Variants in SOHLH1 observed in about 807,000 individuals in gnomAD.
SOHLH1 encodes spermatogenesis and oogenesis specific basic helix-loop-helix 1.
In SOHLH1, 23 loss-of-function variants were observed where a neutral mutation model predicts 36.2. That is an observed-to-expected ratio of 0.64 (90% CI 0.46 to 0.90). The LOEUF is 0.90. SOHLH1 is among the 40% of genes least tolerant of loss of function. SOHLH1 has a pLI of 0.00. For missense variants in SOHLH1, 608 were observed against 517.0 expected (o/e 1.18, Z -1.71); for synonymous variants, 289 against 228.3 (o/e 1.27, Z -2.40).
chr9:135,698,587 G>T, intron 2 of SOHLH1, 111 bp from the exon 3 acceptor site: 1 of 1,485,494 alleles, frequency 6.7e-7, no homozygotes, highest in Non-Finnish European at 9.3e-7. Context: ...AGGCAGAGGG[G>T]GCTACAAGAT....
chr9:135,695,069 T>C lies in SOHLH1; in HGVS notation c.856A>G (p.Met286Val), dbSNP rs766293252. Residue 286 changes from methionine (M) to valine (V), a missense_variant, in exon 6 of 8, where the codon ATG becomes GTG. Met to Val is a conservative substitution (Grantham distance 21, BLOSUM62 1). Transcript: ENST00000425225. ...PLGEPAKEDP[M>V]LAQEAGSALG... Reference sequence around the variant, plus strand: ...ACTCACCCGGCCTCCTGCGCCAGCATGGGGTCCTCCTTGGCTGGCTCCCCC... The same window carrying C: ...ACTCACCCGGCCTCCTGCGCCAGCACGGGGTCCTCCTTGGCTGGCTCCCCC... The C allele has an allele frequency of 1.9e-6, 3 of 1,597,382 alleles. No individual in the cohort carries two copies. The highest frequency in any genetic ancestry group is 3.4e-5 in the Admixed American group (2 of 58,732).
chr9:135,697,100 G>A (rs991069027), intron 4 of SOHLH1, among the ~76,000 whole-genome samples: 5 of 152,236 alleles, frequency 3.3e-5, no homozygotes, highest in African/African-American at 4.8e-5. Flanking sequence ...ACAAGATGCA[G>A]ACAGTCCTTC....
upstream of SOHLH1, among the ~76,000 whole-genome samples, chr9:135,701,017 T>C (rs1835014981): frequency 6.6e-6 from 1 of 152,242 alleles, no homozygotes; most frequent in African/African-American, 2.4e-5. Context: ...CTCAGTTTTT[T>C]CTGAGTTCCC....
upstream of SOHLH1, among the ~76,000 whole-genome samples, chr9:135,701,268 T>A (rs1389426356): frequency 1.3e-5 from 2 of 149,848 alleles, no homozygotes; most frequent in Non-Finnish European, 3.0e-5. Flanking sequence ...TGCTGCCTCC[T>A]GGAGAAACAG....
chr9:135,698,190 A>C, intron 3 of SOHLH1, 139 bp downstream of exon 3: 1 of 1,178,330 alleles, frequency 8.5e-7, no homozygotes, highest in African/African-American at 1.5e-5. Context: ...GCCCTGCCGA[A>C]AACGTGGCCT....
Position 135,693,884 on chromosome 9 carries a change from C to T in SOHLH1, c.947-70G>A, listed in dbSNP as rs548665836. Reference sequence around the variant, plus strand: ...GGAGCTTGAGGCAGACAGGTGGGGTCGGAGGAACAGAGCTCCCACCTCAGT... The same window carrying T: ...GGAGCTTGAGGCAGACAGGTGGGGTTGGAGGAACAGAGCTCCCACCTCAGT... On this transcript the variant is annotated intron_variant, in intron 7 of 7. Transcript: ENST00000425225. 80 of 1,502,328 alleles carry T rather than the reference C, an allele frequency of 5.3e-5. No homozygotes were observed. In the African/African-American group the frequency reaches 9.6e-4, roughly 18 times the overall value. The allele number at this position is 1,502,328 out of a possible 1,614,324, so 93.1% of individuals were successfully genotyped here.
upstream of SOHLH1, among the ~76,000 whole-genome samples, chr9:135,700,209 C>T (rs1475864031): frequency 6.6e-6 from 1 of 152,206 alleles, no homozygotes; most frequent in Non-Finnish European, 1.5e-5. Flanking sequence ...GACCCCTCAC[C>T]TCACACTCTC....
At chr9:135,694,859 C>T (rs1396127999) in intron 6 of SOHLH1, among the ~76,000 whole-genome samples, 191 bp downstream of exon 6, 3 of 152,236 alleles carry the variant, frequency 2.0e-5, no homozygotes, top group Non-Finnish European at 4.4e-5. Context: ...ATTAGAAAGC[C>T]ACACGGCAAG....
chr9:135,695,879 C>G (rs1159713912), intron 5 of SOHLH1, among the ~76,000 whole-genome samples: 1 of 152,180 alleles, frequency 6.6e-6, no homozygotes, highest in African/African-American at 2.4e-5. Context: ...GAGGGAACAG[C>G]TGGGAGGCCT....
At chr9:135,694,572 C>T in intron 6 of SOHLH1, 115 bp from the exon 7 acceptor site, 2 of 1,409,122 alleles carry the variant, frequency 1.4e-6, no homozygotes, top group African/African-American at 1.4e-5. Flanking sequence ...GATCTAGGCA[C>T]CACTCCTGAC....
rs1212983020 is a variant in SOHLH1, at chr9:135,699,105, G to A, written c.87C>T (p.Leu29=). 3.1e-6 allele frequency: 5 copies of A among 1,606,168 alleles called. No homozygotes were observed. The highest frequency in any genetic ancestry group is 4.2e-6 in the Non-Finnish European group (5 of 1,178,454). ...CCCGGGCCGAGTCCTCGCAGCAGGA[G>A]AGGGCACCAGACAGGGAGCCGCTGC... ...RGCNGSLSGA[L]SCCEDSARGS... Residue 29 remains leucine, a synonymous_variant, in exon 2 of 8, where the codon CTC becomes CTT. Coordinates refer to ENST00000425225, the MANE Select transcript of SOHLH1 (RefSeq NM_001101677.2).
In SOHLH1 at chr9:135,693,972, G is replaced by C. The variant is rs896621087; in HGVS notation, c.947-158C>G. 83 of 1,430,288 alleles carry C rather than the reference G, an allele frequency of 5.8e-5. 1 individual carries two copies. The African/African-American group carries it at 9.7e-4, about 17-fold the overall frequency. The allele number at this position is 1,430,288 out of a possible 1,614,324, so 88.6% of individuals were successfully genotyped here. A position where few individuals can be genotyped will look rare whatever the true frequency, so the allele number is the denominator to read the frequency against. On this transcript the variant is annotated intron_variant, in intron 7 of 7. Transcript: ENST00000425225. ...TGATGAGGTGGGTGAGCTCATACCT[G>C]GTGGCCCCAGACCCAGGACACCTGT...
upstream of SOHLH1, among the ~76,000 whole-genome samples, chr9:135,701,606 T>C (rs1429013430): frequency 6.6e-6 from 1 of 152,052 alleles, no homozygotes; most frequent in African/African-American, 2.4e-5. Flanking sequence ...CTAAAGGTGC[T>C]GTGTGTGCCC....
upstream of SOHLH1, chr9:135,702,042 C>G: frequency 5.8e-6 from 3 of 516,528 alleles, no homozygotes; most frequent in Non-Finnish European, 1.0e-5. Context: ...CTCCCTACCC[C>G]GCACCCCCGT....
chr9:135,698,789 G>A (rs62578366), intron 2 of SOHLH1, among the ~76,000 whole-genome samples: 2,126 of 152,332 alleles, frequency 0.014, 21 homozygotes, highest in South Asian at 0.024. Context: ...GCCTCAAGAG[G>A]CCAAGGCTTC....
rs202048668 is a variant in SOHLH1, at chr9:135,693,570, G to A, written c.*27C>T. ...ACACGGCTCCAGATCCACCGGCCCCGCCCGCCTCCTCTCCACAGCCTGGCT... is the reference window on the plus strand; with the variant it reads ...ACACGGCTCCAGATCCACCGGCCCCACCCGCCTCCTCTCCACAGCCTGGCT... On this transcript the variant is annotated 3_prime_UTR_variant, in exon 8 of 8. Coordinates refer to ENST00000425225, the MANE Select transcript of SOHLH1 (RefSeq NM_001101677.2). The A allele has an allele frequency of 3.2e-5, 49 of 1,539,050 alleles. No individual in the cohort carries two copies. Among genetic ancestry groups the A allele is most frequent in the East Asian group, 1.5e-4 (6 of 40,778 alleles).
intron 5 of SOHLH1, among the ~76,000 whole-genome samples, chr9:135,695,777 A>T (rs1834767645): frequency 6.6e-6 from 1 of 151,946 alleles, no homozygotes; most frequent in South Asian, 2.1e-4. Context: ...GGCCGAGGGG[A>T]GTTCGGTCAT....
chr9:135,695,974 C>T (rs971773183), intron 5 of SOHLH1, among the ~76,000 whole-genome samples: 11 of 152,192 alleles, frequency 7.2e-5, no homozygotes, highest in Admixed American at 6.5e-4. Context: ...CCGGGGAAAA[C>T]AGATCTCCGG....
upstream of SOHLH1, among the ~76,000 whole-genome samples, chr9:135,700,559 A>G (rs924606011): frequency 6.6e-6 from 1 of 152,038 alleles, no homozygotes; most frequent in Non-Finnish European, 1.5e-5. Flanking sequence ...GGGAGGCAAG[A>G]AGGAGCCCGG....
Sources: gnomAD v4.1 joint callset for allele counts (sites outside exome capture counted in the v4.1 genomes callset) on GRCh38, gnomAD v4.1.1 for gene constraint, MANE v1.5 for transcripts, NCBI Gene and HGNC (gene_info 2026-07-23, HGNC 2026-07-21) for gene names.